DOT1L: variants seen among roughly 807,000 people sequenced by gnomAD.
The protein encoded by DOT1L is DOT1 like histone lysine methyltransferase, also known as histone-lysine N-methyltransferase, H3 lysine-79 specific.
In DOT1L, 33 loss-of-function variants were observed where a neutral mutation model predicts 153.3. That is an observed-to-expected ratio of 0.22 (90% CI 0.16 to 0.29). DOT1L has a LOEUF of 0.29. Ranked by LOEUF, DOT1L falls within the 10% of genes least tolerant of loss-of-function variation. DOT1L has a pLI of 1.00. For synonymous variants in DOT1L, 1,135 were observed against 965.1 expected, an observed-to-expected ratio of 1.18 and a Z score of -3.26; for missense variants, 1,847 against 2,119.9, an observed-to-expected ratio of 0.87 and a Z score of 2.53.
chr19:2,228,210 C>T (rs1431872297), intron 27 of DOT1L: 2 of 1,364,256 alleles, frequency 1.5e-6, no homozygotes, highest in Non-Finnish European at 2.0e-6. Context: ...GCACCACCAG[C>T]CCCTGCCCCG....
chr19:2,222,260 G>C lies in DOT1L; in HGVS notation c.3091G>C (p.Asp1031His), dbSNP rs371443260. Residue 1031 changes from aspartate to histidine, a missense_variant, in exon 24 of 28, where the codon GAT (aspartate) becomes CAT (histidine). Physicochemically the swap from Asp to His is moderately conservative, Grantham distance 81. Transcript: ENST00000398665. The surrounding 1 kb of genome is among the most constrained non-coding windows in gnomAD (Gnocchi z 6.5). The stretch of plus-strand genomic sequence containing the variant: ...GGCCAGCAAGGGAGACCTGCCCTCC[G>C]ATTCCGGCTTCTCAGATCCTGAGAG... The part of the protein sequence containing the change: ...PEASKGDLPS[D>H]SGFSDPESEA... The C allele has an allele frequency of 2.9e-5, 47 of 1,613,018 alleles. No individual in the cohort carries two copies. Among genetic ancestry groups the C allele is most frequent in the Non-Finnish European group, 3.9e-5 (46 of 1,179,940 alleles).
At chr19:2,228,223 T>A (rs755876697) in intron 27 of DOT1L, 1 of 1,363,232 alleles carries the variant, frequency 7.3e-7, no homozygotes, top group Non-Finnish European at 9.8e-7. Context: ...CTGCCCCGGC[T>A]GGCCCTGGCC....
chr19:2,194,803 G>A (rs2022949225), intron 7 of DOT1L, among the ~76,000 whole-genome samples: 1 of 152,156 alleles, frequency 6.6e-6, no homozygotes, highest in Admixed American at 6.5e-5. Flanking sequence ...CATGGCTTCT[G>A]TCCCTCGGCA....
chr19:2,222,454 G>A lies in DOT1L; in HGVS notation c.3285G>A (p.Gly1095=), dbSNP rs910384529. ...GCCGGCGGAAGCGAGCATCTGCGGG[G>A]ACGCCCAGCTTGAGCGCAGGCGTGT... ...RRGRRKRASA[G]TPSLSAGVSP... Residue 1095 remains glycine, a synonymous_variant, in exon 24 of 28, where the codon GGG becomes GGA. Coordinates refer to ENST00000398665, the MANE Select transcript of DOT1L (RefSeq NM_032482.3). This position sits in a 1 kb window ranked among gnomAD's most constrained non-coding sequence, Gnocchi z 6.5. 15 of 1,607,740 alleles carry A rather than the reference G, an allele frequency of 9.3e-6. No homozygotes were observed. Among genetic ancestry groups the A allele is most frequent in the Non-Finnish European group, 1.1e-5 (13 of 1,178,678 alleles).
chr19:2,167,907 G>A (rs1346961833), intron 1 of DOT1L, among the ~76,000 whole-genome samples: 1 of 151,834 alleles, frequency 6.6e-6, no homozygotes, highest in Non-Finnish European at 1.5e-5. Flanking sequence ...GGCTTATTTT[G>A]TATTTTTAGT....
chr19:2,182,929 A>G (rs1306886645), intron 2 of DOT1L, among the ~76,000 whole-genome samples: 1 of 152,136 alleles, frequency 6.6e-6, no homozygotes, highest in Non-Finnish European at 1.5e-5. Flanking sequence ...AGCAGGGTCC[A>G]GGCACAGGGG....
intron 9 of DOT1L, among the ~76,000 whole-genome samples, chr19:2,203,591 T>C (rs2023380093): frequency 1.3e-5 from 2 of 152,200 alleles, no homozygotes; most frequent in African/African-American, 4.8e-5. Flanking sequence ...CCCTTCACGC[T>C]GTTTTCTGAA....
chr19:2,202,263 G>A (rs1000470384), intron 8 of DOT1L, among the ~76,000 whole-genome samples: 4 of 152,236 alleles, frequency 2.6e-5, no homozygotes, highest in South Asian at 2.1e-4. Context: ...CCTGGGACCC[G>A]TTGTCTGCGG....
At position 2,227,584 on chromosome 19, in the gene DOT1L, C is replaced by T; in HGVS notation, c.4606+457C>T. ...GGGCCGGAGGGCGGAGGGCGGGCCA[C>T]CACGAGCCTGGCCGAGCCGCTGCTT... On this transcript the variant is annotated intron_variant, in intron 27 of 27. Transcript: ENST00000398665. 3.3e-6 allele frequency: 3 copies of T among 900,738 alleles called. 1 individual carries two copies. In the South Asian group the frequency reaches 5.1e-5, roughly 15 times the overall value. 55.8% of individuals were successfully genotyped at this position (900,738 alleles called of 1,614,324 possible).
chr19:2,193,246 G>C lies in DOT1L; in HGVS notation c.494-443G>C, dbSNP rs2022875126. 6.6e-6 allele frequency among the ~76,000 whole-genome samples: 1 copy of C among 152,218 alleles called. No individual in the cohort carries two copies. Among genetic ancestry groups the C allele is most frequent in the South Asian group, 2.1e-4 (1 of 4,832 alleles). Reference sequence around the variant, plus strand: ...CCCACCCTACATTGAGCCTCAGTCAGATCCTGCTCATGAGCCTTCCTGGGG... The same window carrying C: ...CCCACCCTACATTGAGCCTCAGTCACATCCTGCTCATGAGCCTTCCTGGGG... On this transcript the variant is annotated intron_variant, in intron 5 of 27. Transcript: ENST00000398665. This position sits in a 1 kb window ranked among gnomAD's most constrained non-coding sequence, Gnocchi z 5.9.
chr19:2,170,887 G>GACCTGTCCCCCTCCAGGAGTCTCCTGGA (rs899337107), intron 1 of DOT1L, among the ~76,000 whole-genome samples: 1 of 152,014 alleles, frequency 6.6e-6, no homozygotes, highest in Non-Finnish European at 1.5e-5. Flanking sequence ...TGTCTCCCGG[G>GACCTGTCCCCCTCCAGGAGTCTCCTGGA]ACCTGTCCCC....
chr19:2,207,351 G>A lies in DOT1L; in HGVS notation c.857-223G>A, dbSNP rs1436055783. On this transcript the variant is annotated intron_variant, in intron 10 of 27. Coordinates refer to ENST00000398665, the MANE Select transcript of DOT1L (RefSeq NM_032482.3). The surrounding 1 kb of genome is among the most constrained non-coding windows in gnomAD (Gnocchi z 4.5). ...TTTTCCATTCCACTCAGCTGGGTTTGTGGCTGTTTTTCTGAGGTTGGAGGG... is the reference window on the plus strand; with the variant it reads ...TTTTCCATTCCACTCAGCTGGGTTTATGGCTGTTTTTCTGAGGTTGGAGGG... 6.6e-6 allele frequency among the ~76,000 whole-genome samples: 1 copy of A among 152,212 alleles called. No individual in the cohort carries two copies. Among genetic ancestry groups the A allele is most frequent in the Non-Finnish European group, 1.5e-5 (1 of 68,024 alleles).
intron 27 of DOT1L, 134 bp from the exon 28 acceptor site, chr19:2,229,651 A>G: frequency 1.3e-6 from 2 of 1,592,500 alleles, no homozygotes; most frequent in South Asian, 1.1e-5. Flanking sequence ...AGCTGGCACT[A>G]TGCCTGTCAT....
intron 8 of DOT1L, among the ~76,000 whole-genome samples, chr19:2,201,355 G>A (rs1296055391): frequency 6.7e-6 from 1 of 149,082 alleles, no homozygotes; most frequent in Non-Finnish European, 1.5e-5. Context: ...CGTCCTCCCC[G>A]CTCCCCTCCT....
At chr19:2,187,809 T>C (rs1266015888) in intron 3 of DOT1L, among the ~76,000 whole-genome samples, 100 of 151,722 alleles carry the variant, frequency 6.6e-4, no homozygotes, top group South Asian at 4.8e-3. Context: ...GTAGTCCCAG[T>C]TAGTCAGGAG....
At chr19:2,196,071 C>G (rs2023006720) in intron 7 of DOT1L, among the ~76,000 whole-genome samples, 1 of 152,258 alleles carries the variant, frequency 6.6e-6, no homozygotes, top group African/African-American at 2.4e-5. Flanking sequence ...CCTCGGATCG[C>G]CGTGAGGCCT....
In DOT1L at chr19:2,207,626, G is replaced by A. The variant is rs2023553382; in HGVS notation, c.909G>A (p.Val303=). ...AGCTCTCGCCCCTGAAGGGCTCGGT[G>A]TCGTGGACGGGGAAGCCAGTCTCCT... The part of the protein sequence containing the change: ...VVELSPLKGS[V]SWTGKPVSYY... The change falls in exon 11 of 28, where the codon GTG becomes GTA. Residue 303 remains valine (V), a synonymous_variant. Transcript: ENST00000398665. This position sits in a 1 kb window ranked among gnomAD's most constrained non-coding sequence, Gnocchi z 4.5. 1 of 1,612,822 alleles carries A rather than the reference G, an allele frequency of 6.2e-7. No homozygotes were observed. The highest frequency in any genetic ancestry group is 8.5e-7 in the Non-Finnish European group (1 of 1,179,818).
Position 2,210,387 on chromosome 19 carries a change from G to GCT in DOT1L, c.1006-9_1006-8dup. 6.6e-7 allele frequency: 1 copy of GCT among 1,518,586 alleles called. No homozygotes were observed. The highest frequency in any genetic ancestry group is 8.8e-7 in the Non-Finnish European group (1 of 1,134,732). 94.1% of individuals were successfully genotyped at this position (1,518,586 alleles called of 1,614,324 possible). Reference sequence around the variant, plus strand: ...GCTGGGGCTTCCTGTGGCTCAACCTGCTCTCCTTCCAGGAGGAACAGGAGG... The same window carrying GCT: ...GCTGGGGCTTCCTGTGGCTCAACCTGCTCTCTCCTTCCAGGAGGAACAGGAGG... On this transcript the variant is annotated splice_polypyrimidine_tract_variant and intron_variant, in intron 12 of 27. Transcript: ENST00000398665.
intron 8 of DOT1L, among the ~76,000 whole-genome samples, 153 bp downstream of exon 8, chr19:2,200,092 C>G (rs372633462): frequency 6.6e-6 from 1 of 151,934 alleles, no homozygotes. Flanking sequence ...CTTTCCCTCA[C>G]GCTGGGTCTC....
Sources: gnomAD v4.1 joint callset for allele counts (sites outside exome capture counted in the v4.1 genomes callset) on GRCh38, gnomAD v4.1.1 for gene constraint, Gnocchi (gnomAD v3.1) non-coding constraint, MANE v1.5 for transcripts, NCBI Gene and HGNC (gene_info 2026-07-23, HGNC 2026-07-21) for gene names.